Variants in MAPK10 observed in about 807,000 individuals in gnomAD.
The protein encoded by MAPK10 is JNK3 alpha protein kinase.
In MAPK10, 25 loss-of-function variants were observed where a neutral mutation model predicts 59.3. That is an observed-to-expected ratio of 0.42 (90% CI 0.31 to 0.59). MAPK10 has a LOEUF of 0.59. MAPK10 is among the 20% of genes least tolerant of loss of function. MAPK10 has a pLI of 0.15. For synonymous variants in MAPK10, 190 were observed against 200.5 expected, an observed-to-expected ratio of 0.95 and a Z score of 0.44; for missense variants, 351 against 568.9, an observed-to-expected ratio of 0.62 and a Z score of 3.90.
Position 86,212,199 on chromosome 4 carries a change from G to A in MAPK10, c.-6-17792C>T, listed in dbSNP as rs1298220793. 2.0e-5 allele frequency among the ~76,000 whole-genome samples: 3 copies of A among 152,050 alleles called. No individual in the cohort carries two copies. In the South Asian group the frequency reaches 6.2e-4, roughly 32 times the overall value. ...ATCCAACTATATGCTATCTATGAGA[G>A]ATTTGCTTTAGATCCAAAGACAGAA... On this transcript the variant is annotated intron_variant, in intron 2 of 13. Coordinates refer to ENST00000641462, the MANE Select transcript of MAPK10 (RefSeq NM_138982.4).
chr4:86,198,580 T>C (rs2081929354), intron 2 of MAPK10, among the ~76,000 whole-genome samples: 1 of 151,992 alleles, frequency 6.6e-6, no homozygotes, highest in Admixed American at 6.6e-5. Context: ...CCTCACGTTG[T>C]ACACAAAAAA....
At chr4:86,219,003 A>C (rs2088691510) in intron 2 of MAPK10, among the ~76,000 whole-genome samples, 1 of 152,228 alleles carries the variant, frequency 6.6e-6, no homozygotes, top group Non-Finnish European at 1.5e-5. Flanking sequence ...ATGACACAAA[A>C]GCCCCAGACA....
intron 1 of MAPK10, among the ~76,000 whole-genome samples, chr4:86,420,660 A>G (rs967993618): frequency 1.3e-5 from 2 of 152,126 alleles, no homozygotes; most frequent in Non-Finnish European, 2.9e-5. Context: ...ATGGTAGCAT[A>G]CATCTGTAGT....
Position 86,013,234 on chromosome 4 carries a change from C to T in MAPK10, c.*3994G>A, listed in dbSNP as rs755583379. On this transcript the variant is annotated 3_prime_UTR_variant, in exon 14 of 14. Transcript: ENST00000641462. ...ATCACAAAGAAAATAGCTAAAATAA[C>T]TATTTACATTGCAACTTTTTTGTTG... 6.6e-6 allele frequency: 1 copy of T among 152,152 alleles called. No individual in the cohort carries two copies. Among genetic ancestry groups the T allele is most frequent in the Non-Finnish European group, 1.5e-5 (1 of 68,018 alleles). 9.4% of individuals were successfully genotyped at this position (152,152 alleles called of 1,614,324 possible).
chr4:86,359,436 G>A (rs1736325704), intron 1 of MAPK10, among the ~76,000 whole-genome samples: 1 of 151,392 alleles, frequency 6.6e-6, no homozygotes, highest in Non-Finnish European at 1.5e-5. Context: ...ACTCCAAATG[G>A]AAAGGTTTCA....
chr4:86,014,582 A>C lies in MAPK10; in HGVS notation c.*2646T>G, dbSNP rs1742567507. On this transcript the variant is annotated 3_prime_UTR_variant, in exon 14 of 14. Coordinates refer to ENST00000641462, the MANE Select transcript of MAPK10 (RefSeq NM_138982.4). Reference sequence around the variant, plus strand: ...CTATTTGTAAATGATACTTATATTCAAGGAATTTGTTCCATTTTTCTCTTG... The same window carrying C: ...CTATTTGTAAATGATACTTATATTCCAGGAATTTGTTCCATTTTTCTCTTG... 6.6e-6 allele frequency: 1 copy of C among 152,142 alleles called. No homozygotes were observed. Among genetic ancestry groups the C allele is most frequent in the South Asian group, 2.1e-4 (1 of 4,818 alleles). The allele number at this position is 152,142 out of a possible 1,614,324, so 9.4% of individuals were successfully genotyped here. A position where few individuals can be genotyped will look rare whatever the true frequency, so the allele number is the denominator to read the frequency against.
intron 3 of MAPK10, among the ~76,000 whole-genome samples, chr4:86,162,305 T>G (rs1245305321): frequency 1.3e-5 from 2 of 151,906 alleles, no homozygotes; most frequent in Non-Finnish European, 2.9e-5. Context: ...GCAGTATATG[T>G]GCCATAGTAA....
intron 2 of MAPK10, among the ~76,000 whole-genome samples, chr4:86,249,163 TACAC>T (rs3029313): frequency 0.054 from 8,196 of 151,152 alleles, 232 homozygotes; most frequent in East Asian, 0.076. Flanking sequence ...CATACATGCA[TACAC>T]ACACACACAC....
chr4:86,089,159 A>G (rs2052560971), intron 9 of MAPK10: 1 of 1,420,584 alleles, frequency 7.0e-7, no homozygotes, highest in South Asian at 1.2e-5. Flanking sequence ...AAAGGGAATT[A>G]ATTGAGAGTG....
At chr4:86,269,603 A>C (rs779879868) in intron 2 of MAPK10, among the ~76,000 whole-genome samples, 8 of 152,030 alleles carry the variant, frequency 5.3e-5, no homozygotes, top group Non-Finnish European at 7.4e-5. Flanking sequence ...TCATTTATTA[A>C]TTCACATTAT....
chr4:86,512,829 C>T (rs147310527), intron 1 of MAPK10, among the ~76,000 whole-genome samples: 1 of 152,242 alleles, frequency 6.6e-6, no homozygotes, highest in East Asian at 1.9e-4. Context: ...TTAAACAAAC[C>T]ACCTGATGCC....
chr4:86,210,768 C>T (rs949044397), intron 2 of MAPK10, among the ~76,000 whole-genome samples: 1 of 150,832 alleles, frequency 6.6e-6, no homozygotes, highest in Non-Finnish European at 1.5e-5. Flanking sequence ...GGCCAGATGG[C>T]AAAACTACTA....
intron 1 of MAPK10, among the ~76,000 whole-genome samples, chr4:86,375,660 A>G (rs905386997): frequency 1.5e-5 from 2 of 133,150 alleles, no homozygotes; most frequent in African/African-American, 5.5e-5. Flanking sequence ...GGCTGCAGTG[A>G]GCCATGAGCA....
In MAPK10 at chr4:86,474,824, A is replaced by G. The variant is rs142456898; in HGVS notation, c.-263+119086T>C. On this transcript the variant is annotated intron_variant, in intron 1 of 4. Transcript: ENST00000502302. Reference sequence around the variant, plus strand: ...ATCATATCCCCTGTGACCTGCACATATACATCCAGATGGCCTGAAATAACT... The same window carrying G: ...ATCATATCCCCTGTGACCTGCACATGTACATCCAGATGGCCTGAAATAACT... 7.9e-4 allele frequency among the ~76,000 whole-genome samples: 121 copies of G among 152,348 alleles called. 1 individual carries two copies. Among genetic ancestry groups the G allele is most frequent in the African/African-American group, 2.8e-3 (115 of 41,586 alleles).
At chr4:86,169,191 G>C (rs925686563) in intron 3 of MAPK10, among the ~76,000 whole-genome samples, 1 of 152,194 alleles carries the variant, frequency 6.6e-6, no homozygotes, top group African/African-American at 2.4e-5. Flanking sequence ...TTCCTCACCA[G>C]CAACAGAACA....
chr4:86,095,021 A>G (rs2053968515), intron 9 of MAPK10: 1 of 151,948 alleles, frequency 6.6e-6, no homozygotes, highest in Non-Finnish European at 1.5e-5. Context: ...AATTAAGTGT[A>G]TGATAGTGTA....
chr4:86,097,052 A>T (rs538435538), intron 9 of MAPK10, among the ~76,000 whole-genome samples: 2 of 152,032 alleles, frequency 1.3e-5, no homozygotes, highest in African/African-American at 2.4e-5. Flanking sequence ...GAATAAAAAA[A>T]GATATATATA....
intron 1 of MAPK10, among the ~76,000 whole-genome samples, chr4:86,464,819 CA>C (rs56319235): frequency 0.29 from 38,994 of 136,756 alleles, 5,595 homozygotes; most frequent in Admixed American, 0.36. Flanking sequence ...GACTCTGTCT[CA>C]AAAAAAAAAA....
chr4:86,178,199 T>C (rs917778170), intron 3 of MAPK10, among the ~76,000 whole-genome samples: 2 of 152,132 alleles, frequency 1.3e-5, no homozygotes, highest in Non-Finnish European at 2.9e-5. Flanking sequence ...TAGGTTCCTT[T>C]GCATTTAATC....
Sources: allele counts gnomAD v4.1 joint callset (sites outside exome capture counted in the v4.1 genomes callset), GRCh38; gene constraint gnomAD v4.1.1; transcripts MANE v1.5; gene names NCBI Gene and HGNC (gene_info 2026-07-23, HGNC 2026-07-21).